CNTN6: variants seen among roughly 807,000 people sequenced by gnomAD.
CNTN6 encodes contactin 6, also known as contactin-6.
A neutral mutation model predicts 122.8 loss-of-function variants in CNTN6; 137 were observed. That is an observed-to-expected ratio of 1.12 (90% CI 0.97 to 1.29). The LOEUF (loss-of-function observed/expected upper bound fraction) is 1.29. Ranked by LOEUF, CNTN6 falls within the 50% of genes most tolerant of loss-of-function variation. The pLI, the probability that CNTN6 is intolerant of heterozygous loss-of-function variation, is 0.00. For synonymous variants in CNTN6, 570 were observed against 426.0 expected (o/e 1.34, Z -4.16); for missense variants, 1,634 against 1,223.4 (o/e 1.34, Z -5.01).
chr3:1,277,506 G>A (rs540317092), intron 4 of CNTN6, among the ~76,000 whole-genome samples: 45 of 151,678 alleles, frequency 3.0e-4, no homozygotes, highest in Admixed American at 2.0e-3. Context: ...AATTACAGGC[G>A]TGTGCCACCA....
At chr3:1,326,068 G>C in intron 9 of CNTN6, 117 bp downstream of exon 9, 1 of 831,144 alleles carries the variant, frequency 1.2e-6, no homozygotes, top group Admixed American at 2.9e-5. Context: ...GTATGTTCCA[G>C]GAAAGGATGC....
rs1367514933 is a variant in CNTN6, at chr3:1,402,487, G to A, written c.2986+1G>A. The A allele has an allele frequency of 1.2e-6, 2 of 1,604,784 alleles. No homozygotes were observed. Among genetic ancestry groups the A allele is most frequent in the Non-Finnish European group, 1.7e-6 (2 of 1,173,638 alleles). ...GAAATTAGGATTCCAAAAATGTCAAGTAAGTTGAGTCACCATTGCTGTAGT... is the reference window on the plus strand; with the variant it reads ...GAAATTAGGATTCCAAAAATGTCAAATAAGTTGAGTCACCATTGCTGTAGT... On this transcript the variant is annotated splice_donor_variant, in intron 22 of 22. Transcript: ENST00000446702. LOFTEE classifies it high-confidence loss of function.
At chr3:1,097,949 A>G (rs1021407471) in intron 1 of CNTN6, among the ~76,000 whole-genome samples, 1 of 152,184 alleles carries the variant, frequency 6.6e-6, no homozygotes. Flanking sequence ...AGTGTAAATC[A>G]TAAGTGGATA....
chr3:1,334,646 T>G (rs1702790008), intron 11 of CNTN6, among the ~76,000 whole-genome samples: 2 of 152,074 alleles, frequency 1.3e-5, no homozygotes, highest in African/African-American at 4.8e-5. Flanking sequence ...TCAAAACAGC[T>G]AAAATGATTT....
At chr3:1,216,109 T>C (rs2094126970) in intron 2 of CNTN6, among the ~76,000 whole-genome samples, 1 of 152,172 alleles carries the variant, frequency 6.6e-6, no homozygotes, top group Non-Finnish European at 1.5e-5. Context: ...TATTAATTGG[T>C]TAAACAGAGT....
rs189447792 is a variant in CNTN6 at position 1,247,789 on chromosome 3, A to G, written c.358+19796A>G. ...CTTTTTTATGGTAGCTTCCTATAGC[A>G]TATCTCAAAAATAATAGCTACCATG... On this transcript the variant is annotated intron_variant, in intron 4 of 22. Coordinates refer to ENST00000446702, the MANE Select transcript of CNTN6 (RefSeq NM_001289080.2). Among the ~76,000 whole-genome samples the G allele has an allele frequency of 9.4e-4, 143 of 152,238 alleles. 2 individuals are homozygous for G. Among genetic ancestry groups the G allele is most frequent in the African/African-American group, 3.3e-3 (137 of 41,542 alleles).
chr3:1,102,873 C>T (rs1444737899), intron 1 of CNTN6, among the ~76,000 whole-genome samples: 6 of 151,032 alleles, frequency 4.0e-5, no homozygotes, highest in African/African-American at 7.3e-5. Flanking sequence ...TTTTGGAGGC[C>T]GAGGCGGGCG....
chr3:1,275,076 A>T (rs1376916126), intron 4 of CNTN6, among the ~76,000 whole-genome samples: 2 of 152,046 alleles, frequency 1.3e-5, no homozygotes, highest in African/African-American at 4.8e-5. Context: ...TTTTGTTTTA[A>T]TTTCTCTTTC....
intron 2 of CNTN6, among the ~76,000 whole-genome samples, chr3:1,196,461 GT>G (rs2093780319): frequency 6.6e-6 from 1 of 151,900 alleles, no homozygotes. Flanking sequence ...AGATTTTTTT[GT>G]TTTTGTTTTT....
chr3:1,306,645 TAGAG>T (rs10576273), intron 7 of CNTN6, among the ~76,000 whole-genome samples: 5,250 of 151,822 alleles, frequency 0.035, 315 homozygotes, highest in African/African-American at 0.12. Flanking sequence ...GCAAAAATGA[TAGAG>T]AGAGAATAAA....
At chr3:1,295,125 G>A (rs773692724) in intron 5 of CNTN6, among the ~76,000 whole-genome samples, 7 of 152,126 alleles carry the variant, frequency 4.6e-5, no homozygotes, top group Admixed American at 1.3e-4. Context: ...GATCAAATGA[G>A]TGAACTTCAA....
rs571413036 is a variant in CNTN6 at position 1,394,221 on chromosome 3, C to T, written c.2705-7212C>T. ...CGTCTGCCTCATCTCCGGAAGCTTCCGCACCAATAGTGCCAGCCCCACTGC... is the reference window on the plus strand; with the variant it reads ...CGTCTGCCTCATCTCCGGAAGCTTCTGCACCAATAGTGCCAGCCCCACTGC... On this transcript the variant is annotated intron_variant, in intron 20 of 22. Coordinates refer to ENST00000446702, the MANE Select transcript of CNTN6 (RefSeq NM_001289080.2). 60 of 241,156 alleles carry T rather than the reference C, an allele frequency of 2.5e-4. No homozygotes were observed. The Admixed American group carries it at 2.6e-3, about 10-fold the overall frequency. 14.9% of individuals were successfully genotyped at this position (241,156 alleles called of 1,614,324 possible).
Position 1,171,321 on chromosome 3 carries a change from G to A in CNTN6, c.55+23258G>A, listed in dbSNP as rs191107431. ...ATGTGTAGGTTCCAGAAAGAGATGG[G>A]GAAAATGTGAAAATACAGCTAAAAT... On this transcript the variant is annotated intron_variant, in intron 2 of 22. Coordinates refer to ENST00000446702, the MANE Select transcript of CNTN6 (RefSeq NM_001289080.2). Among the ~76,000 whole-genome samples, 52 of 152,200 alleles carry A rather than the reference G, an allele frequency of 3.4e-4. 1 individual carries two copies. Among genetic ancestry groups the A allele is most frequent in the African/African-American group, 1.1e-3 (46 of 41,532 alleles).
chr3:1,292,084 T>C (rs150182701), intron 5 of CNTN6, among the ~76,000 whole-genome samples: 2 of 152,160 alleles, frequency 1.3e-5, no homozygotes, highest in South Asian at 2.1e-4. Context: ...CTTGATCATG[T>C]CTAATGATAA....
intron 2 of CNTN6, among the ~76,000 whole-genome samples, chr3:1,160,367 TACAC>T (rs199666539): frequency 8.9e-5 from 10 of 112,540 alleles, no homozygotes; most frequent in South Asian, 2.7e-4. Flanking sequence ...TATATATATA[TACAC>T]ACTACCTATA....
chr3:1,117,364 A>T (rs1332746947), intron 1 of CNTN6, among the ~76,000 whole-genome samples: 1 of 151,932 alleles, frequency 6.6e-6, no homozygotes, highest in Non-Finnish European at 1.5e-5. Context: ...AGTCCTGTTC[A>T]GGGAACTGCA....
At position 1,158,867 on chromosome 3, in the gene CNTN6, CATATATAT is replaced by C. The variant is rs1219848420; in HGVS notation, c.55+10806_55+10813del. ...ATATATACATACATATATATACACACATATATATACACATATATACACACATATATATA... is the reference window on the plus strand; with the variant it reads ...ATATATACATACATATATATACACACACACATATATACACACATATATATA... On this transcript the variant is annotated intron_variant, in intron 2 of 22. Coordinates refer to ENST00000446702, the MANE Select transcript of CNTN6 (RefSeq NM_001289080.2). Among the ~76,000 whole-genome samples, 46 of 22,318 alleles carry C rather than the reference CATATATAT, an allele frequency of 2.1e-3. 1 individual carries two copies. Among genetic ancestry groups the C allele is most frequent in the African/African-American group, 4.8e-3 (46 of 9,500 alleles). The allele number at this position is 22,318 out of a possible 152,430, so 14.6% of individuals were successfully genotyped here. A position where few individuals can be genotyped will look rare whatever the true frequency, so the allele number is the denominator to read the frequency against.
intron 6 of CNTN6, among the ~76,000 whole-genome samples, chr3:1,297,486 T>A (rs1281001548): frequency 1.3e-5 from 2 of 152,158 alleles, no homozygotes; most frequent in Non-Finnish European, 2.9e-5. Flanking sequence ...AAAACCTTAT[T>A]GTACTAATAT....
intron 2 of CNTN6, among the ~76,000 whole-genome samples, chr3:1,153,857 G>T (rs1020829019): frequency 2.0e-4 from 31 of 152,276 alleles, no homozygotes; most frequent in Admixed American, 2.0e-3. Context: ...AACCTGCTTT[G>T]CTCAAGGATC....
Sources: allele counts gnomAD v4.1 joint callset (sites outside exome capture counted in the v4.1 genomes callset), GRCh38; gene constraint gnomAD v4.1.1; transcripts MANE v1.5; gene names NCBI Gene and HGNC (gene_info 2026-07-23, HGNC 2026-07-21).